EIF4EBP2: variants seen among roughly 807,000 people sequenced by gnomAD.
EIF4EBP2 encodes the protein eukaryotic translation initiation factor 4E binding protein 2.
A neutral mutation model predicts 10.3 loss-of-function variants in EIF4EBP2; 5 were observed. That is an observed-to-expected ratio of 0.48 (90% CI 0.25 to 1.02). The LOEUF (loss-of-function observed/expected upper bound fraction) is 1.02, where lower values mean the gene tolerates loss of function less well. Among genes scored for constraint, EIF4EBP2 ranks in the 50% least tolerant of loss-of-function variants. The probability of loss-of-function intolerance (pLI) is 0.15; values close to 1 mark genes in which losing one functional copy is unlikely to be tolerated. For missense variants in EIF4EBP2, 188 were observed against 162.2 expected (o/e 1.16, Z -0.86); for synonymous variants, 67 against 61.1 (o/e 1.10, Z -0.45).
rs1845219933 is a variant in EIF4EBP2 at position 70,427,896 on chromosome 10, C to T, written c.*6149C>T. The T allele has an allele frequency of 6.6e-6, 1 of 151,858 alleles. No individual in the cohort carries two copies. The highest frequency in any genetic ancestry group is 1.5e-5 in the Non-Finnish European group (1 of 67,964). 9.4% of individuals were successfully genotyped at this position (151,858 alleles called of 1,614,324 possible). A position where few individuals can be genotyped will look rare whatever the true frequency, so the allele number is the denominator to read the frequency against. On this transcript the variant is annotated 3_prime_UTR_variant, in exon 3 of 3. Coordinates refer to ENST00000373218, the MANE Select transcript of EIF4EBP2 (RefSeq NM_004096.5). ...AAAACTCCTGGACACTTAGAAAATT[C>T]CATGAATCTAGCACAAAATATCCAT...
chr10:70,418,387 G>A (rs987592888), intron 1 of EIF4EBP2, among the ~76,000 whole-genome samples: 1 of 152,132 alleles, frequency 6.6e-6, no homozygotes, highest in African/African-American at 2.4e-5. Flanking sequence ...CATAGTAGTA[G>A]CCTGGAAAAA....
chr10:70,411,456 C>G (rs1471845220), intron 1 of EIF4EBP2, among the ~76,000 whole-genome samples: 1 of 151,552 alleles, frequency 6.6e-6, no homozygotes, highest in East Asian at 1.9e-4. Flanking sequence ...GTCATATAGT[C>G]TTACTGGCCA....
At chr10:70,412,575 T>TA (rs1289603470) in intron 1 of EIF4EBP2, among the ~76,000 whole-genome samples, 3 of 152,208 alleles carry the variant, frequency 2.0e-5, no homozygotes, top group East Asian at 1.9e-4. Flanking sequence ...AAGAGGCCGT[T>TA]ACGCTTGAAT....
At chr10:70,414,082 TA>T (rs145792967) in intron 1 of EIF4EBP2, among the ~76,000 whole-genome samples, 2,004 of 152,338 alleles carry the variant, frequency 0.013, 37 homozygotes, top group African/African-American at 0.046. Context: ...TAAGAAACCT[TA>T]AATATTTTAG....
At chr10:70,415,157 C>T (rs202056988) in intron 1 of EIF4EBP2, among the ~76,000 whole-genome samples, 1 of 137,502 alleles carries the variant, frequency 7.3e-6, no homozygotes, top group African/African-American at 2.8e-5. Context: ...GACCCTCTCT[C>T]GAAAAAAAAA....
At chr10:70,410,505 G>C (rs1422216308) in intron 1 of EIF4EBP2, among the ~76,000 whole-genome samples, 1 of 152,218 alleles carries the variant, frequency 6.6e-6, no homozygotes, top group Non-Finnish European at 1.5e-5. Context: ...TTTCCTCTGG[G>C]TTATTTGCCA....
chr10:70,419,699 G>A (rs1285599337), intron 1 of EIF4EBP2, among the ~76,000 whole-genome samples: 1 of 152,054 alleles, frequency 6.6e-6, no homozygotes, highest in East Asian at 1.9e-4. Context: ...GAGTCTTGAA[G>A]GATCAACAGG....
At chr10:70,410,891 CTT>C (rs2137225867) in intron 1 of EIF4EBP2, among the ~76,000 whole-genome samples, 1 of 152,234 alleles carries the variant, frequency 6.6e-6, no homozygotes, top group Non-Finnish European at 1.5e-5. Context: ...ATGCCAAATG[CTT>C]TGTTTCTTTT....
chr10:70,419,808 T>G (rs1845135347), intron 1 of EIF4EBP2, 106 bp from the exon 2 acceptor site: 6 of 860,220 alleles, frequency 7.0e-6, no homozygotes, highest in Middle Eastern at 2.3e-4. Flanking sequence ...AATTGTAAAA[T>G]CCTTAAAAGT....
At chr10:70,407,732 C>CA (rs1379603828) in intron 1 of EIF4EBP2, among the ~76,000 whole-genome samples, 3 of 63,282 alleles carry the variant, frequency 4.7e-5, no homozygotes, top group Non-Finnish European at 7.3e-5. Context: ...GGGGGCTGAC[C>CA]CCCCCCCCAC....
intron 1 of EIF4EBP2, among the ~76,000 whole-genome samples, chr10:70,415,192 T>C (rs889978727): frequency 2.7e-5 from 4 of 149,020 alleles, no homozygotes; most frequent in Non-Finnish European, 5.9e-5. Context: ...AAGAAAGCAA[T>C]CCCATTTACA....
Position 70,424,460 on chromosome 10 carries a change from A to C in EIF4EBP2, c.*2713A>C, listed in dbSNP as rs1845187864. The C allele has an allele frequency of 6.6e-6, 1 of 152,236 alleles. No homozygotes were observed. The highest frequency in any genetic ancestry group is 6.5e-5 in the Admixed American group (1 of 15,294). The allele number at this position is 152,236 out of a possible 1,614,324, so 9.4% of individuals were successfully genotyped here. ...ACAAGGCATGAGATAAACTTTCAATAGATGATACCTTTGTGTCATGCCTCA... is the reference window on the plus strand; with the variant it reads ...ACAAGGCATGAGATAAACTTTCAATCGATGATACCTTTGTGTCATGCCTCA... On this transcript the variant is annotated 3_prime_UTR_variant, in exon 3 of 3. Transcript: ENST00000373218.
At chr10:70,406,486 C>T (rs1435078461) in intron 1 of EIF4EBP2, among the ~76,000 whole-genome samples, 1 of 151,962 alleles carries the variant, frequency 6.6e-6, no homozygotes. Flanking sequence ...GTGACAACTG[C>T]ACTCAGCTAT....
rs1427477977 is a variant in EIF4EBP2 at position 70,427,378 on chromosome 10, T to C, written c.*5631T>C. 6.6e-6 allele frequency: 1 copy of C among 152,244 alleles called. No individual in the cohort carries two copies. The highest frequency in any genetic ancestry group is 2.4e-5 in the African/African-American group (1 of 41,464). 9.4% of individuals were successfully genotyped at this position (152,244 alleles called of 1,614,324 possible). The stretch of plus-strand genomic sequence containing the variant: ...TTGATGCAGTTGGGTCACAATTCTT[T>C]AGAATGCTTCTACCCCAGGGCCGCT... On this transcript the variant is annotated 3_prime_UTR_variant, in exon 3 of 3. Transcript: ENST00000373218.
chr10:70,419,009 G>T (rs1164201502), intron 1 of EIF4EBP2, among the ~76,000 whole-genome samples: 1 of 152,100 alleles, frequency 6.6e-6, no homozygotes, highest in East Asian at 1.9e-4. Flanking sequence ...TAGAGACAGG[G>T]TCTCACTATG....
At chr10:70,418,152 G>A (rs1413946475) in intron 1 of EIF4EBP2, among the ~76,000 whole-genome samples, 5 of 152,124 alleles carry the variant, frequency 3.3e-5, no homozygotes, top group Non-Finnish European at 5.9e-5. Context: ...TGGGATTTGT[G>A]CCCTTATAAG....
rs1845215161 is a variant in EIF4EBP2, at chr10:70,427,459, T to G, written c.*5712T>G. On this transcript the variant is annotated 3_prime_UTR_variant, in exon 3 of 3. Coordinates refer to ENST00000373218, the MANE Select transcript of EIF4EBP2 (RefSeq NM_004096.5). ...GTAGTGGAGTTTCTTGAGGCTAACT[T>G]ACAGAAATTTCTAACTGAAAACTTT... 6.6e-6 allele frequency: 1 copy of G among 152,202 alleles called. No individual in the cohort carries two copies. Among genetic ancestry groups the G allele is most frequent in the South Asian group, 2.1e-4 (1 of 4,830 alleles). The allele number at this position is 152,202 out of a possible 1,614,324, so 9.4% of individuals were successfully genotyped here.
intron 1 of EIF4EBP2, among the ~76,000 whole-genome samples, chr10:70,407,282 C>T (rs908405498): frequency 1.3e-5 from 2 of 152,092 alleles, no homozygotes; most frequent in Admixed American, 6.6e-5. Context: ...TGTTTGTGTC[C>T]ATGGGTACTT....
intron 1 of EIF4EBP2, among the ~76,000 whole-genome samples, chr10:70,406,995 TC>T (rs1844970879): frequency 6.6e-6 from 1 of 152,202 alleles, no homozygotes; most frequent in Non-Finnish European, 1.5e-5. Context: ...CCTCCTGGGT[TC>T]ACGCCATTCT....
Sources: gnomAD v4.1 joint callset for allele counts (sites outside exome capture counted in the v4.1 genomes callset) on GRCh38, gnomAD v4.1.1 for gene constraint, MANE v1.5 for transcripts, NCBI Gene and HGNC (gene_info 2026-07-23, HGNC 2026-07-21) for gene names.